Variants in TBC1D19 observed in about 807,000 individuals in gnomAD.
TBC1D19 encodes TBC1 domain family, member 19.
A neutral mutation model predicts 89.0 loss-of-function variants in TBC1D19; 60 were observed. The observed-to-expected ratio is 0.67, with a 90% CI of 0.55 to 0.84. The LOEUF (loss-of-function observed/expected upper bound fraction) is 0.84, where lower values mean the gene tolerates loss of function less well. Among genes scored for constraint, TBC1D19 ranks in the 40% least tolerant of loss-of-function variants. The pLI is 0.00. For missense variants in TBC1D19, 500 were observed against 610.8 expected (o/e 0.82, Z 1.91); for synonymous variants, 189 against 199.7 (o/e 0.95, Z 0.45).
chr4:26,662,136 T>C (rs1037468397), intron 8 of TBC1D19, among the ~76,000 whole-genome samples: 1 of 152,208 alleles, frequency 6.6e-6, no homozygotes, highest in African/African-American at 2.4e-5. Flanking sequence ...CAGTACACTT[T>C]TAGGGCAATA....
chr4:26,613,574 T>C (rs1741505686), intron 2 of TBC1D19, among the ~76,000 whole-genome samples: 1 of 152,200 alleles, frequency 6.6e-6, no homozygotes, highest in South Asian at 2.1e-4. Context: ...TTGTGAAAAC[T>C]ATGGCCAAAT....
intron 1 of TBC1D19, among the ~76,000 whole-genome samples, chr4:26,603,161 A>G (rs1312625248): frequency 6.6e-6 from 1 of 152,220 alleles, no homozygotes; most frequent in Non-Finnish European, 1.5e-5. Flanking sequence ...AATAAAAATT[A>G]GTTTTGCAAA....
intron 13 of TBC1D19, among the ~76,000 whole-genome samples, chr4:26,704,887 T>A (rs1024825847): frequency 1.3e-5 from 2 of 152,142 alleles, no homozygotes; most frequent in Non-Finnish European, 2.9e-5. Context: ...CCAACAATAG[T>A]GTACAAAGTT....
intron 15 of TBC1D19, among the ~76,000 whole-genome samples, chr4:26,733,802 C>G (rs1404668188): frequency 6.6e-6 from 1 of 152,068 alleles, no homozygotes; most frequent in African/African-American, 2.4e-5. Context: ...AAAATATAAC[C>G]CTTTCGTGAA....
At chr4:26,642,102 A>G (rs1743585983) in intron 7 of TBC1D19, among the ~76,000 whole-genome samples, 1 of 152,210 alleles carries the variant, frequency 6.6e-6, no homozygotes, top group African/African-American at 2.4e-5. Flanking sequence ...CTCCTCGAGA[A>G]GAGCAACCCC....
intron 1 of TBC1D19, among the ~76,000 whole-genome samples, chr4:26,605,624 G>A (rs973128658): frequency 9.2e-5 from 14 of 152,076 alleles, no homozygotes; most frequent in East Asian, 1.9e-4. Context: ...CTGAGGAATC[G>A]CCACACTGAC....
the TBC1D19 span, among the ~76,000 whole-genome samples, chr4:26,855,532 C>T: frequency 6.6e-6 from 1 of 152,028 alleles, no homozygotes; most frequent in African/African-American, 2.4e-5. Flanking sequence ...GAAGGGTTTT[C>T]GTTTCAGATG....
At chr4:26,725,375 T>C (rs1717244683) in intron 15 of TBC1D19, among the ~76,000 whole-genome samples, 1 of 152,098 alleles carries the variant, frequency 6.6e-6, no homozygotes, top group South Asian at 2.1e-4. Context: ...CTCAGTGACA[T>C]CTCTCCTCCA....
intron 11 of TBC1D19, among the ~76,000 whole-genome samples, chr4:26,679,617 A>G (rs1577922552): frequency 6.6e-6 from 1 of 152,202 alleles, no homozygotes; most frequent in South Asian, 2.1e-4. Flanking sequence ...GAAGAGAGCC[A>G]CCATCCTCCA....
intron 19 of TBC1D19, among the ~76,000 whole-genome samples, chr4:26,749,241 CT>C (rs1718812460): frequency 6.6e-6 from 1 of 152,126 alleles, no homozygotes; most frequent in East Asian, 1.9e-4. Context: ...GACTCAATTA[CT>C]TTATTAGTGA....
At chr4:26,672,100 G>A (rs1271732619) in intron 9 of TBC1D19, 49 bp from the exon 10 acceptor site, 3 of 843,546 alleles carry the variant, frequency 3.6e-6, no homozygotes, top group Non-Finnish European at 5.1e-6. Flanking sequence ...TTCTAAATGT[G>A]ATTGCTCATA....
the TBC1D19 span, among the ~76,000 whole-genome samples, chr4:26,797,929 A>G: frequency 3.3e-5 from 5 of 152,232 alleles, no homozygotes; most frequent in Non-Finnish European, 4.4e-5. Context: ...TAAGACCTGA[A>G]ACTATAAAAA....
chr4:26,791,940 C>T, the TBC1D19 span, among the ~76,000 whole-genome samples: 1 of 152,172 alleles, frequency 6.6e-6, no homozygotes. Context: ...ATATTTAAAG[C>T]TGTGAGACTG....
chr4:26,621,390 C>T (rs1311816841), intron 4 of TBC1D19, among the ~76,000 whole-genome samples: 2 of 152,150 alleles, frequency 1.3e-5, no homozygotes, highest in Non-Finnish European at 2.9e-5. Context: ...ACTGCTGAGG[C>T]ACGTAATGAG....
intron 5 of TBC1D19, among the ~76,000 whole-genome samples, chr4:26,637,587 G>T (rs954637934): frequency 1.6e-4 from 25 of 152,106 alleles, no homozygotes; most frequent in Admixed American, 2.0e-4. Flanking sequence ...TTAGTCAGGA[G>T]GGTCTCGATC....
chr4:26,803,347 G>A, the TBC1D19 span, among the ~76,000 whole-genome samples: 1 of 152,100 alleles, frequency 6.6e-6, no homozygotes, highest in Non-Finnish European at 1.5e-5. Context: ...CCTGAGCCAG[G>A]GCCCCACAAC....
At chr4:26,812,042 A>G in the TBC1D19 span, among the ~76,000 whole-genome samples, 123,881 of 152,094 alleles carry the variant, frequency 0.81, 50,672 homozygotes, top group South Asian at 0.89. This position sits in a 1 kb window ranked among gnomAD's most constrained non-coding sequence, Gnocchi z 4.2. Flanking sequence ...GAGTTGCTCT[A>G]GTTCAAATGC....
At chr4:26,809,972 C>T in the TBC1D19 span, among the ~76,000 whole-genome samples, 1 of 152,356 alleles carries the variant, frequency 6.6e-6, no homozygotes, top group South Asian at 2.1e-4. Flanking sequence ...TTGTACATGG[C>T]CAGGGGCCAG....
chr4:26,696,182 C>A (rs12505393), intron 13 of TBC1D19, among the ~76,000 whole-genome samples: 69,386 of 151,734 alleles, frequency 0.46, 17,596 homozygotes, highest in Admixed American at 0.6. Flanking sequence ...AGCAAATGGA[C>A]AACAAAAAAA....
Sources: gnomAD v4.1 joint callset for allele counts (sites outside exome capture counted in the v4.1 genomes callset) on GRCh38, gnomAD v4.1.1 for gene constraint, Gnocchi (gnomAD v3.1) non-coding constraint, MANE v1.5 for transcripts, NCBI Gene and HGNC (gene_info 2026-07-23, HGNC 2026-07-21) for gene names.